Variants in CTBP1 observed in about 807,000 individuals in gnomAD.
The protein encoded by CTBP1 is C-terminal binding protein 1.
CTBP1 carries 11 observed loss-of-function variants against 42.1 expected under a neutral mutation model. The observed-to-expected ratio is 0.26, with a 90% CI of 0.16 to 0.43. The LOEUF (loss-of-function observed/expected upper bound fraction) is 0.43, where lower values mean the gene tolerates loss of function less well. Among genes scored for constraint, CTBP1 ranks in the 20% least tolerant of loss-of-function variants. The pLI is 1.00. For missense variants in CTBP1, 399 were observed against 624.3 expected (o/e 0.64, Z 3.85); for synonymous variants, 324 against 277.1 (o/e 1.17, Z -1.68).
chr4:1,245,172 A>C (rs575513913), intron 1 of CTBP1: 1 of 985,430 alleles, frequency 1.0e-6, no homozygotes, highest in Admixed American at 6.1e-5. Flanking sequence ...GGACGGCAGC[A>C]TCCCTGTGAG....
chr4:1,245,714 C>T (rs1732651378), intron 1 of CTBP1: 1 of 973,278 alleles, frequency 1.0e-6, no homozygotes, highest in Admixed American at 6.2e-5. Context: ...GGCAGGATGG[C>T]ACAAGCAGGT....
At chr4:1,213,773 G>A (rs1018248703) in intron 7 of CTBP1, 168 bp from the exon 8 acceptor site, 3 of 806,422 alleles carry the variant, frequency 3.7e-6, no homozygotes, top group Non-Finnish European at 3.7e-6. Flanking sequence ...ACAGCCCCGG[G>A]ACCATCAGAC....
rs1166514987 is a variant in CTBP1 at position 1,227,557 on chromosome 4, C to T, written c.307+642G>A. 1.8e-4 allele frequency among the ~76,000 whole-genome samples: 24 copies of T among 130,570 alleles called. No individual in the cohort carries two copies. In the South Asian group the frequency reaches 2.0e-3, roughly 11 times the overall value. The allele number at this position is 130,570 out of a possible 152,430, so 85.7% of individuals were successfully genotyped here. On this transcript the variant is annotated intron_variant, in intron 4 of 9. Transcript: ENST00000382952. ...GTGCACATGCATGGCTGCAGATGTG[C>T]GTGTTCTGTGTGCTGAGTGTGCGTG...
chr4:1,237,037 G>T (rs1226973634), intron 3 of CTBP1: 2 of 671,870 alleles, frequency 3.0e-6, no homozygotes, highest in African/African-American at 1.8e-5. Context: ...TCCACCTCCT[G>T]ATGGCGCTCA....
At chr4:1,248,096 C>A (rs976072277) in intron 1 of CTBP1, among the ~76,000 whole-genome samples, 1 of 152,206 alleles carries the variant, frequency 6.6e-6, no homozygotes, top group Admixed American at 6.5e-5. Flanking sequence ...CGCGCAGCGG[C>A]TCGGGCCGGC....
intron 9 of CTBP1, 172 bp from the exon 10 acceptor site, chr4:1,212,595 G>GCTCCCCTCCCCAGCC: frequency 1.5e-6 from 1 of 661,254 alleles, no homozygotes; most frequent in Non-Finnish European, 2.5e-6. Context: ...ACTTCTCAGG[G>GCTCCCCTCCCCAGCC]CTGGGGAGGG....
rs1437575018 is a variant in CTBP1 at position 1,213,087 on chromosome 4, GC to G, written c.989-58del. ...GCTCTGAGGGGGCCCCAGGAGCGTG[GC>G]CCACTGGGTTGAAGACACGGGCAGC... On this transcript the variant is annotated intron_variant, in intron 8 of 9. Coordinates refer to ENST00000382952, the MANE Select transcript of CTBP1 (RefSeq NM_001012614.2). 8 of 1,451,672 alleles carry G rather than the reference GC, an allele frequency of 5.5e-6. No individual in the cohort carries two copies. The African/African-American group carries it at 1.1e-4, about 20-fold the overall frequency. 89.9% of individuals were successfully genotyped at this position (1,451,672 alleles called of 1,614,324 possible).
intron 1 of CTBP1, among the ~76,000 whole-genome samples, chr4:1,247,890 G>A (rs1362162885): frequency 6.6e-6 from 1 of 152,198 alleles, no homozygotes; most frequent in Non-Finnish European, 1.5e-5. Context: ...GGAAGGGCGC[G>A]ACCGCCTTCC....
Position 1,229,380 on chromosome 4 carries a change from G to A in CTBP1, c.163-1037C>T, listed in dbSNP as rs113981938. Among the ~76,000 whole-genome samples the A allele has an allele frequency of 3.9e-3, 601 of 152,360 alleles. 2 individuals are homozygous for A. Among genetic ancestry groups the A allele is most frequent in the African/African-American group, 8.5e-3 (354 of 41,582 alleles). On this transcript the variant is annotated intron_variant, in intron 3 of 9. Transcript: ENST00000382952. ...GGTGCAGAGATGCTCTGTGCGAACA[G>A]CCGTGGCTGAGGACACCAGGACATG...
At position 1,216,138 on chromosome 4, in the gene CTBP1, A is replaced by G. The variant is rs756584802; in HGVS notation, c.582T>C (p.Pro194=). 6.2e-7 allele frequency: 1 copy of G among 1,611,258 alleles called. No individual in the cohort carries two copies. Among genetic ancestry groups the G allele is most frequent in the Non-Finnish European group, 8.5e-7 (1 of 1,179,868 alleles). Residue 194 remains proline, a synonymous_variant, in exon 6 of 10, where the codon CCT becomes CCC. Coordinates refer to ENST00000382952, the MANE Select transcript of CTBP1 (RefSeq NM_001012614.2). ...CCCGCTCCACGCCATCCGACAAGTA[A>G]GGGTCGTAGAAGAGCACGTTGAAGC... ...AFGFNVLFYD[P]YLSDGVERAL...
At chr4:1,227,729 TCTG>T (rs1730527535) in intron 4 of CTBP1, among the ~76,000 whole-genome samples, 1 of 151,614 alleles carries the variant, frequency 6.6e-6, no homozygotes, top group East Asian at 1.9e-4. Flanking sequence ...CCGTGTGTGT[TCTG>T]TGTGCTGAGT....
At position 1,233,336 on chromosome 4, in the gene CTBP1, C is replaced by T. The variant is rs1731158483; in HGVS notation, c.162+4847G>A. ...CTAATCACTTCGTTTCCTGCACAGC[C>T]CCAGCACCTCTGTCTGGCGGAGCTT... On this transcript the variant is annotated intron_variant, in intron 3 of 9. Coordinates refer to ENST00000382952, the MANE Select transcript of CTBP1 (RefSeq NM_001012614.2). This position sits in a 1 kb window ranked among gnomAD's most constrained non-coding sequence, Gnocchi z 4.6. 6.6e-6 allele frequency: 1 copy of T among 152,262 alleles called. No individual in the cohort carries two copies. The highest frequency in any genetic ancestry group is 2.4e-5 in the African/African-American group (1 of 41,464). The allele number at this position is 152,262 out of a possible 1,614,324, so 9.4% of individuals were successfully genotyped here. A position where few individuals can be genotyped will look rare whatever the true frequency, so the allele number is the denominator to read the frequency against.
chr4:1,241,628 C>A, intron 1 of CTBP1, 109 bp from the exon 2 acceptor site: 7 of 1,408,604 alleles, frequency 5.0e-6, no homozygotes, highest in Non-Finnish European at 6.6e-6. Context: ...CTGCCACACC[C>A]GGGACTGCTG....
chr4:1,241,343 G>A lies in CTBP1; in HGVS notation c.-12C>T, dbSNP rs774516423. 1 of 926,274 alleles carries A rather than the reference G, an allele frequency of 1.1e-6. No homozygotes were observed. Among genetic ancestry groups the A allele is most frequent in the South Asian group, 1.3e-5 (1 of 77,524 alleles). The allele number at this position is 926,274 out of a possible 1,614,324, so 57.4% of individuals were successfully genotyped here. A position where few individuals can be genotyped will look rare whatever the true frequency, so the allele number is the denominator to read the frequency against. On this transcript the variant is annotated 5_prime_UTR_variant, in exon 2 of 10. Coordinates refer to ENST00000382952, the MANE Select transcript of CTBP1 (RefSeq NM_001012614.2). ...TACCAACCTGACATCTCTTAATATGGGCTCAGCTTCCACGACCATGAATTC... is the reference window on the plus strand; with the variant it reads ...TACCAACCTGACATCTCTTAATATGAGCTCAGCTTCCACGACCATGAATTC...
intron 5 of CTBP1, among the ~76,000 whole-genome samples, chr4:1,223,077 C>A (rs1174326019): frequency 1.7e-5 from 1 of 57,426 alleles, no homozygotes; most frequent in Non-Finnish European, 5.9e-5. Flanking sequence ...GCGGAGGCAC[C>A]GCCCCCTGGA....
chr4:1,238,222 G>A lies in CTBP1; in HGVS notation c.123C>T (p.Ala41=). The A allele has an allele frequency of 6.2e-7, 1 of 1,612,904 alleles. No individual in the cohort carries two copies. Among genetic ancestry groups the A allele is most frequent in the Non-Finnish European group, 8.5e-7 (1 of 1,179,822 alleles). ...CCTGCGTGGACTGCGCGTCGCAGAA[G>A]GCCACAGTGGCCACGTCCTTCAGGA... The part of the protein sequence containing the change: ...MPILKDVATV[A]FCDAQSTQEI... The change falls in exon 3 of 10, where the codon GCC becomes GCT. Residue 41 remains alanine, a synonymous_variant. Coordinates refer to ENST00000382952, the MANE Select transcript of CTBP1 (RefSeq NM_001012614.2). The surrounding 1 kb of genome is among the most constrained non-coding windows in gnomAD (Gnocchi z 5.9).
Position 1,247,022 on chromosome 4 carries a change from C to T in CTBP1, c.-189+1894G>A, listed in dbSNP as rs79804323. ...AAGCCCACAGGACTGGACCAAGGCT[C>T]GTCCCACTCATCAGAGGGACAGGAC... is the stretch of plus-strand genomic sequence containing the variant. On this transcript the variant is annotated intron_variant, in intron 1 of 9. Coordinates refer to ENST00000382952, the MANE Select transcript of CTBP1 (RefSeq NM_001012614.2). Among the ~76,000 whole-genome samples, 1,193 of 152,304 alleles carry T rather than the reference C, an allele frequency of 7.8e-3. 21 individuals are homozygous for T. The highest frequency in any genetic ancestry group is 0.027 in the African/African-American group (1,128 of 41,560).
intron 7 of CTBP1, 116 bp downstream of exon 7, chr4:1,214,227 G>A: frequency 7.6e-7 from 1 of 1,317,518 alleles, no homozygotes; most frequent in South Asian, 1.8e-5. Context: ...CTGCTGGCCA[G>A]CGAGAGGCCT....
At position 1,242,256 on chromosome 4, in the gene CTBP1, A is replaced by C; in HGVS notation, c.-188-737T>G. The C allele has an allele frequency of 3.0e-6, 3 of 985,400 alleles. No homozygotes were observed. In the South Asian group the frequency reaches 1.4e-4, roughly 46 times the overall value. The allele number at this position is 985,400 out of a possible 1,614,324, so 61.0% of individuals were successfully genotyped here. A position where few individuals can be genotyped will look rare whatever the true frequency, so the allele number is the denominator to read the frequency against. Reference sequence around the variant, plus strand: ...GGCTTGAGAGTGCACACGATCGCCCAGCCCTCGGGAGGGTGTCACTGAGCT... The same window carrying C: ...GGCTTGAGAGTGCACACGATCGCCCCGCCCTCGGGAGGGTGTCACTGAGCT... On this transcript the variant is annotated intron_variant, in intron 1 of 9. Coordinates refer to ENST00000382952, the MANE Select transcript of CTBP1 (RefSeq NM_001012614.2).
Sources: allele counts gnomAD v4.1 joint callset (sites outside exome capture counted in the v4.1 genomes callset), GRCh38; gene constraint gnomAD v4.1.1; non-coding constraint Gnocchi (gnomAD v3.1); transcripts MANE v1.5; gene names NCBI Gene and HGNC (gene_info 2026-07-23, HGNC 2026-07-21).